Variants in OXCT1 observed in about 807,000 individuals in gnomAD.
OXCT1 encodes succinyl-CoA:3-ketoacid coenzyme A transferase 1, mitochondrial.
Under a neutral mutation model 69.6 loss-of-function variants are expected in OXCT1, and 27 were observed. That is an observed-to-expected ratio of 0.39 (90% CI 0.29 to 0.54). The LOEUF (loss-of-function observed/expected upper bound fraction) is 0.54. OXCT1 is among the 20% of genes least tolerant of loss of function. The pLI, the probability that OXCT1 is intolerant of heterozygous loss-of-function variation, is 0.72. For synonymous variants in OXCT1, 202 were observed against 217.8 expected, an observed-to-expected ratio of 0.93 and a Z score of 0.64; for missense variants, 437 against 650.2, an observed-to-expected ratio of 0.67 and a Z score of 3.57.
At chr5:41,742,345 A>G (rs1743210441) in intron 15 of OXCT1, among the ~76,000 whole-genome samples, 1 of 152,238 alleles carries the variant, frequency 6.6e-6, no homozygotes, top group Non-Finnish European at 1.5e-5. Flanking sequence ...TAAATTGTTC[A>G]ACTATCCAGA....
intron 3 of OXCT1, among the ~76,000 whole-genome samples, chr5:41,855,864 G>A (rs1183240293): frequency 6.6e-6 from 1 of 152,170 alleles, no homozygotes; most frequent in African/African-American, 2.4e-5. Flanking sequence ...AATCTTACAG[G>A]AGGTGGCACT....
At position 41,730,395 on chromosome 5, in the gene OXCT1, A is replaced by G. The variant is rs1742557483; in HGVS notation, c.*1334T>C. 2 of 152,216 alleles carry G rather than the reference A, an allele frequency of 1.3e-5. No homozygotes were observed. The highest frequency in any genetic ancestry group is 4.8e-5 in the African/African-American group (2 of 41,462). The allele number at this position is 152,216 out of a possible 1,614,324, so 9.4% of individuals were successfully genotyped here. A position where few individuals can be genotyped will look rare whatever the true frequency, so the allele number is the denominator to read the frequency against. On this transcript the variant is annotated 3_prime_UTR_variant, in exon 17 of 17. Coordinates refer to ENST00000196371, the MANE Select transcript of OXCT1 (RefSeq NM_000436.4). ...GCCTGTCCTTTCTCTAATATTGTAC[A>G]TTACACAATTGTAGCTACACCTGAA... is the stretch of plus-strand genomic sequence containing the variant.
rs371078484 is a variant in OXCT1, at chr5:41,822,136, G to A, written c.733-14698C>T. ...GAGAACCAAAAAGGCAAAAAAGCAC[G>A]CAGGTGACACGGATCTAGTAACTGC... On this transcript the variant is annotated intron_variant, in intron 7 of 16. Coordinates refer to ENST00000196371, the MANE Select transcript of OXCT1 (RefSeq NM_000436.4). Among the ~76,000 whole-genome samples, 20 of 152,176 alleles carry A rather than the reference G, an allele frequency of 1.3e-4. 1 individual carries two copies. Among genetic ancestry groups the A allele is most frequent in the African/African-American group, 4.1e-4 (17 of 41,510 alleles).
rs758232097 is a variant in OXCT1 at position 41,739,436 on chromosome 5, C to T, written c.1475G>A (p.Gly492Asp). The T allele has an allele frequency of 2.8e-5, 45 of 1,613,826 alleles. No homozygotes were observed. In the East Asian group the frequency reaches 7.3e-4, roughly 26 times the overall value. ...CTTCTGTACGTCATCCACTGTCAGG[C>T]CTTCCCAGAGCTCAATCAGAGTCAA... Reference protein sequence around the residue: ...KGLTLIELWEGLTVDDVQKST... With the variant: ...KGLTLIELWEDLTVDDVQKST... Residue 492 changes from glycine to aspartate, a missense_variant, in exon 16 of 17, where the codon GGC becomes GAC. Around this residue, in one of 4 missense-constraint regions of OXCT1, gnomAD observed 102 missense variants for 162.1 expected, o/e 0.63. Transcript: ENST00000196371.
At chr5:41,869,813 G>A (rs1261874013) in intron 1 of OXCT1, among the ~76,000 whole-genome samples, 1 of 152,148 alleles carries the variant, frequency 6.6e-6, no homozygotes, top group East Asian at 1.9e-4. Context: ...CCAGCCTCAG[G>A]TTCTGGGCCT....
chr5:41,786,524 A>G (rs1322875816), intron 13 of OXCT1, among the ~76,000 whole-genome samples: 1 of 152,188 alleles, frequency 6.6e-6, no homozygotes, highest in African/African-American at 2.4e-5. Context: ...CTTTTGAATG[A>G]TTATTAAAGC....
At chr5:41,832,333 C>CAGAG (rs148562121) in intron 7 of OXCT1, among the ~76,000 whole-genome samples, 4,978 of 147,072 alleles carry the variant, frequency 0.034, 113 homozygotes, top group Admixed American at 0.078. Flanking sequence ...CGGTTCAGCA[C>CAGAG]AGAGAGAGAG....
At chr5:41,780,189 C>A (rs1003891846) in intron 13 of OXCT1, among the ~76,000 whole-genome samples, 1 of 151,872 alleles carries the variant, frequency 6.6e-6, no homozygotes, top group South Asian at 2.1e-4. Flanking sequence ...TTGGAAAATG[C>A]AAATTAACAA....
intron 13 of OXCT1, among the ~76,000 whole-genome samples, chr5:41,781,577 C>T (rs1745401496): frequency 6.6e-6 from 1 of 152,068 alleles, no homozygotes; most frequent in African/African-American, 2.4e-5. Flanking sequence ...GCCCAGCATC[C>T]ATCAGCTATT....
chr5:41,830,655 G>A (rs1367146895), intron 7 of OXCT1, among the ~76,000 whole-genome samples: 1 of 152,132 alleles, frequency 6.6e-6, no homozygotes, highest in African/African-American at 2.4e-5. Flanking sequence ...TTCTTGAAAT[G>A]GGATCTAATG....
chr5:41,759,429 G>T (rs1410430107), intron 14 of OXCT1, among the ~76,000 whole-genome samples: 1 of 152,076 alleles, frequency 6.6e-6, no homozygotes. Flanking sequence ...GAAGAAAGGT[G>T]GCTGGACACC....
intron 13 of OXCT1, among the ~76,000 whole-genome samples, chr5:41,775,479 G>C (rs572719676): frequency 6.6e-6 from 1 of 152,342 alleles, no homozygotes; most frequent in South Asian, 2.1e-4. Context: ...CTTCCATGCT[G>C]TATGCAGGTA....
At position 41,731,659 on chromosome 5, in the gene OXCT1, T is replaced by G; in HGVS notation, c.*70A>C. ...CTGTTAAATACACAATTATGATTATTGATGTCCTTTCAATTAAATCTTGTG... is the reference window on the plus strand; with the variant it reads ...CTGTTAAATACACAATTATGATTATGGATGTCCTTTCAATTAAATCTTGTG... On this transcript the variant is annotated 3_prime_UTR_variant, in exon 17 of 17. Transcript: ENST00000196371. The G allele has an allele frequency of 6.5e-7, 1 of 1,549,378 alleles. No individual in the cohort carries two copies. The highest frequency in any genetic ancestry group is 1.2e-5 in the South Asian group (1 of 84,398).
At chr5:41,757,182 AT>A (rs1232592363) in intron 14 of OXCT1, among the ~76,000 whole-genome samples, 4 of 152,024 alleles carry the variant, frequency 2.6e-5, no homozygotes, top group Non-Finnish European at 5.9e-5. Context: ...GTGTGAGTAT[AT>A]TTTTTCCCAC....
At chr5:41,790,485 C>A (rs1204915203) in intron 13 of OXCT1, among the ~76,000 whole-genome samples, 1 of 152,194 alleles carries the variant, frequency 6.6e-6, no homozygotes, top group Non-Finnish European at 1.5e-5. Flanking sequence ...GAGACCAACA[C>A]TGCATACTAA....
chr5:41,818,268 T>C (rs1747348849), intron 7 of OXCT1, among the ~76,000 whole-genome samples: 1 of 151,942 alleles, frequency 6.6e-6, no homozygotes, highest in Non-Finnish European at 1.5e-5. Context: ...AGGCAGAAAA[T>C]TAGCCACAAA....
chr5:41,807,461 C>A, intron 7 of OXCT1, 23 bp from the exon 8 acceptor site: 1 of 1,366,998 alleles, frequency 7.3e-7, no homozygotes, highest in South Asian at 1.2e-5. Context: ...AAATTTCTTT[C>A]AAAGTTAGTG....
At chr5:41,817,193 T>C (rs1333220397) in intron 7 of OXCT1, among the ~76,000 whole-genome samples, 1 of 152,166 alleles carries the variant, frequency 6.6e-6, no homozygotes, top group African/African-American at 2.4e-5. Context: ...TTAGTCCATA[T>C]GATTCTAATG....
At chr5:41,823,355 T>A (rs947265509) in intron 7 of OXCT1, among the ~76,000 whole-genome samples, 1 of 152,166 alleles carries the variant, frequency 6.6e-6, no homozygotes, top group Non-Finnish European at 1.5e-5. Context: ...ATCCTAGACA[T>A]AAAACTCACA....
Sources: gnomAD v4.1 joint callset for allele counts (sites outside exome capture counted in the v4.1 genomes callset) on GRCh38, gnomAD v4.1.1 for gene constraint, gnomAD v4.1.1 regional missense constraint, MANE v1.5 for transcripts, NCBI Gene and HGNC (gene_info 2026-07-23, HGNC 2026-07-21) for gene names.